Variants in STAB2 observed in about 807,000 individuals in gnomAD.
STAB2 encodes the protein stabilin 2.
STAB2 carries 288 observed loss-of-function variants against 338.1 expected under a neutral mutation model. That is an observed-to-expected ratio of 0.85 (90% CI 0.77 to 0.94). STAB2 has a LOEUF of 0.94. Among genes scored for constraint, STAB2 ranks in the 40% least tolerant of loss-of-function variants. The pLI is 0.00. For missense variants in STAB2, 3,141 were observed against 3,210.1 expected (o/e 0.98, Z 0.52); for synonymous variants, 1,202 against 1,193.3 (o/e 1.01, Z -0.15).
intron 3 of STAB2, among the ~76,000 whole-genome samples, chr12:103,619,882 T>G (rs1463431371): frequency 1.3e-5 from 2 of 152,070 alleles, no homozygotes; most frequent in African/African-American, 4.8e-5. Flanking sequence ...TGCCTCTTCC[T>G]GAAATATCCT....
intron 9 of STAB2, among the ~76,000 whole-genome samples, chr12:103,641,799 A>G (rs1872946135): frequency 6.6e-6 from 1 of 152,232 alleles, no homozygotes; most frequent in Non-Finnish European, 1.5e-5. Context: ...GGGTACATGT[A>G]TCACCCACAA....
chr12:103,742,563 C>G lies in STAB2; in HGVS notation c.6031+9C>G. ...CGGGCCTGATTGTCTGCGTATGTGGCGCCGCTTCTCCGTGCTAGAGCTTGT... is the reference window on the plus strand; with the variant it reads ...CGGGCCTGATTGTCTGCGTATGTGGGGCCGCTTCTCCGTGCTAGAGCTTGT... On this transcript the variant is annotated intron_variant, in intron 56 of 68. Coordinates refer to ENST00000388887, the MANE Select transcript of STAB2 (RefSeq NM_017564.10). 1 of 1,613,980 alleles carries G rather than the reference C, an allele frequency of 6.2e-7. No individual in the cohort carries two copies. The highest frequency in any genetic ancestry group is 8.5e-7 in the Non-Finnish European group (1 of 1,179,950).
chr12:103,625,142 C>G (rs1670808644), intron 5 of STAB2, among the ~76,000 whole-genome samples: 1 of 152,142 alleles, frequency 6.6e-6, no homozygotes, highest in South Asian at 2.1e-4. Flanking sequence ...GTAAATAAAG[C>G]ATCCAGCGTT....
chr12:103,615,105 C>G (rs1957188483), intron 3 of STAB2, among the ~76,000 whole-genome samples: 1 of 152,158 alleles, frequency 6.6e-6, no homozygotes, highest in African/African-American at 2.4e-5. Context: ...GCTTTCTAAG[C>G]CTAGTGTCTG....
chr12:103,658,649 AC>A (rs1874371958), intron 15 of STAB2, among the ~76,000 whole-genome samples: 1 of 152,126 alleles, frequency 6.6e-6, no homozygotes, highest in Non-Finnish European at 1.5e-5. Context: ...GCAGAAGGTT[AC>A]ACACAAGCAG....
In STAB2 at chr12:103,587,425, G is replaced by T; in HGVS notation, c.-52G>T. The T allele has an allele frequency of 2.8e-6, 4 of 1,448,846 alleles. No individual in the cohort carries two copies. The highest frequency in any genetic ancestry group is 3.8e-6 in the Non-Finnish European group (4 of 1,040,362). 89.7% of individuals were successfully genotyped at this position (1,448,846 alleles called of 1,614,324 possible). On this transcript the variant is annotated 5_prime_UTR_variant, in exon 1 of 69. An upstream open reading frame in the 5' UTR loses its in-frame stop. Transcript: ENST00000388887. ...GAGTTTATCAAACTAAGTTAAAATA[G>T]CTAAGTCAGCCTGACAGGTGCTTGG...
intron 33 of STAB2, among the ~76,000 whole-genome samples, chr12:103,698,066 A>T (rs769368794): frequency 6.6e-6 from 1 of 152,206 alleles, no homozygotes; most frequent in Non-Finnish European, 1.5e-5. Context: ...TGCAGGGAAG[A>T]GAAGTGAGGC....
chr12:103,747,519 G>C (rs1883161269), intron 58 of STAB2, among the ~76,000 whole-genome samples: 1 of 151,940 alleles, frequency 6.6e-6, no homozygotes, highest in Non-Finnish European at 1.5e-5. Flanking sequence ...GATGGAAGGA[G>C]AGGAAGGAGG....
chr12:103,744,665 G>A lies in STAB2; in HGVS notation c.6032-508G>A, dbSNP rs372386319. ...TTTGTTGTTGTTGTTTTGTAGATAC[G>A]GGGTTGCACCATGTTGCCCAGGCTG... On this transcript the variant is annotated intron_variant, in intron 56 of 68. Coordinates refer to ENST00000388887, the MANE Select transcript of STAB2 (RefSeq NM_017564.10). Among the ~76,000 whole-genome samples, 12 of 151,124 alleles carry A rather than the reference G, an allele frequency of 7.9e-5. No individual in the cohort carries two copies. In the East Asian group the frequency reaches 1.4e-3, roughly 18 times the overall value.
intron 19 of STAB2, among the ~76,000 whole-genome samples, chr12:103,668,420 G>A (rs1025632885): frequency 4.6e-5 from 7 of 152,206 alleles, no homozygotes; most frequent in African/African-American, 1.7e-4. Flanking sequence ...TGTGGGCCAT[G>A]GATGATGCAA....
chr12:103,677,673 C>G (rs1436514952), intron 25 of STAB2, 62 bp downstream of exon 25: 1 of 1,563,056 alleles, frequency 6.4e-7, no homozygotes, highest in African/African-American at 1.3e-5. Flanking sequence ...TTGCTTTCCC[C>G]TCAGGACACA....
At chr12:103,622,617 A>C (rs1957319652) in intron 5 of STAB2, among the ~76,000 whole-genome samples, 1 of 152,262 alleles carries the variant, frequency 6.6e-6, no homozygotes, top group African/African-American at 2.4e-5. Flanking sequence ...TTATCAAGTC[A>C]TGATTAGTTC....
intron 21 of STAB2, among the ~76,000 whole-genome samples, 193 bp downstream of exon 21, chr12:103,669,820 T>G (rs1214657794): frequency 6.6e-6 from 1 of 152,176 alleles, no homozygotes; most frequent in Non-Finnish European, 1.5e-5. Flanking sequence ...GAGATTCCGG[T>G]AATGTTGCCT....
intron 22 of STAB2, among the ~76,000 whole-genome samples, chr12:103,671,264 C>T (rs1384152444): frequency 6.6e-6 from 1 of 152,052 alleles, no homozygotes; most frequent in African/African-American, 2.4e-5. Context: ...CCAGCCTGAC[C>T]AACATAGCAA....
At chr12:103,700,097 T>A (rs1878732582) in intron 34 of STAB2, among the ~76,000 whole-genome samples, 1 of 152,242 alleles carries the variant, frequency 6.6e-6, no homozygotes, top group Non-Finnish European at 1.5e-5. Context: ...ATTCTAGTGT[T>A]CATCTCACAT....
At position 103,677,617 on chromosome 12, in the gene STAB2, T is replaced by C. The variant is rs2138847178; in HGVS notation, c.2805+6T>C. 3 of 1,607,410 alleles carry C rather than the reference T, an allele frequency of 1.9e-6. No individual in the cohort carries two copies. Among genetic ancestry groups the C allele is most frequent in the Non-Finnish European group, 2.6e-6 (3 of 1,174,444 alleles). On this transcript the variant is annotated splice_donor_region_variant and intron_variant, in intron 25 of 68. Transcript: ENST00000388887. ...TGTATGTGGGTCCCGGGCAGGTAGG[T>C]TGGATGTCATGAGAGCAAAGAGAAA...
chr12:103,763,211 G>C (rs1421938405), intron 67 of STAB2: 1 of 341,640 alleles, frequency 2.9e-6, no homozygotes, highest in African/African-American at 2.1e-5. Context: ...CTGGGTGGCA[G>C]GCACCAGCAG....
At chr12:103,749,255 TCCTAAAC>T in intron 59 of STAB2, 99 bp downstream of exon 59, 2 of 1,284,628 alleles carry the variant, frequency 1.6e-6, no homozygotes, top group East Asian at 5.1e-5. Flanking sequence ...CCTGGACTCT[TCCTAAAC>T]ATTTTTTCTA....
At chr12:103,739,831 A>G (rs1308158126) in intron 54 of STAB2, among the ~76,000 whole-genome samples, 1 of 152,174 alleles carries the variant, frequency 6.6e-6, no homozygotes, top group Non-Finnish European at 1.5e-5. Context: ...ATCCCTCTTT[A>G]TAATACTCAT....
Sources: gnomAD v4.1 joint callset for allele counts (sites outside exome capture counted in the v4.1 genomes callset) on GRCh38, gnomAD v4.1.1 for gene constraint, MANE v1.5 for transcripts, NCBI Gene and HGNC (gene_info 2026-07-23, HGNC 2026-07-21) for gene names.